ABAT: variants seen among roughly 807,000 people sequenced by gnomAD.
ABAT encodes 4-aminobutyrate aminotransferase.
Under a neutral mutation model 64.6 loss-of-function variants are expected in ABAT, and 45 were observed. The ratio of observed to expected loss-of-function variants is 0.70; its 90% CI spans 0.55 to 0.89. ABAT has a LOEUF of 0.89. ABAT is among the 40% of genes least tolerant of loss of function. The probability of loss-of-function intolerance (pLI) is 0.00; values close to 1 mark genes in which losing one functional copy is unlikely to be tolerated. For missense variants in ABAT, 633 were observed against 658.4 expected, an observed-to-expected ratio of 0.96 and a Z score of 0.42; for synonymous variants, 297 against 250.5, an observed-to-expected ratio of 1.19 and a Z score of -1.75.
intron 1 of ABAT, among the ~76,000 whole-genome samples, chr16:8,733,152 G>C (rs556939263): frequency 6.7e-6 from 1 of 149,824 alleles, no homozygotes; most frequent in Non-Finnish European, 1.5e-5. Context: ...CCTCCCGGAC[G>C]GGGTGGCTGC....
At chr16:8,755,365 T>A (rs1189912849) in intron 5 of ABAT, among the ~76,000 whole-genome samples, 2 of 152,168 alleles carry the variant, frequency 1.3e-5, no homozygotes, top group East Asian at 3.9e-4. Flanking sequence ...TTGTCCACCA[T>A]CACTGGCCAC....
chr16:8,766,390 C>A, intron 9 of ABAT, 120 bp downstream of exon 9: 1 of 951,782 alleles, frequency 1.1e-6, no homozygotes, highest in Non-Finnish European at 1.6e-6. Context: ...CGCGGTGGCT[C>A]ATGCCTGTAA....
At chr16:8,686,009 G>T (rs1277030364) in intron 1 of ABAT, among the ~76,000 whole-genome samples, 1 of 152,162 alleles carries the variant, frequency 6.6e-6, no homozygotes, top group Non-Finnish European at 1.5e-5. Context: ...CCAATCCCAG[G>T]GGCAGATTGC....
intron 1 of ABAT, among the ~76,000 whole-genome samples, chr16:8,733,757 C>CAG (rs1231529061): frequency 6.7e-6 from 1 of 149,136 alleles, no homozygotes; most frequent in African/African-American, 2.6e-5. Flanking sequence ...TTGCAGTGAG[C>CAG]CGAGATGGCA....
chr16:8,707,215 C>T (rs978975288), intron 1 of ABAT, among the ~76,000 whole-genome samples: 3 of 152,000 alleles, frequency 2.0e-5, no homozygotes, highest in African/African-American at 7.3e-5. Context: ...GAGACCAGGT[C>T]TCCCTCTGTC....
intron 1 of ABAT, among the ~76,000 whole-genome samples, chr16:8,699,524 A>G (rs2057773478): frequency 1.3e-5 from 2 of 151,846 alleles, no homozygotes; most frequent in Non-Finnish European, 2.9e-5. Context: ...TGCCATTGCA[A>G]TCCAGCCTGG....
At chr16:8,682,623 G>C (rs574638912) in intron 1 of ABAT, among the ~76,000 whole-genome samples, 1 of 152,172 alleles carries the variant, frequency 6.6e-6, no homozygotes, top group East Asian at 1.9e-4. Context: ...TGCCAACCTT[G>C]TCCTTGTCCA....
intron 1 of ABAT, among the ~76,000 whole-genome samples, chr16:8,685,329 T>G (rs973382470): frequency 2.6e-5 from 4 of 151,516 alleles, no homozygotes; most frequent in Non-Finnish European, 5.9e-5. Flanking sequence ...AATCAGATAA[T>G]CCAAAAATTT....
chr16:8,746,505 T>A (rs577866703), intron 3 of ABAT, among the ~76,000 whole-genome samples: 1 of 151,844 alleles, frequency 6.6e-6, no homozygotes, highest in African/African-American at 2.4e-5. Flanking sequence ...GTGAGCCTCC[T>A]GAGTAGCTGG....
At chr16:8,747,243 G>C (rs556103043) in intron 3 of ABAT, among the ~76,000 whole-genome samples, 25 of 152,292 alleles carry the variant, frequency 1.6e-4, no homozygotes, top group South Asian at 4.1e-4. Flanking sequence ...AGGGCTCAGA[G>C]ATCAAATGCC....
chr16:8,720,016 T>G (rs2058323346), intron 1 of ABAT, among the ~76,000 whole-genome samples: 1 of 152,178 alleles, frequency 6.6e-6, no homozygotes, highest in African/African-American at 2.4e-5. Context: ...CTTCACCATT[T>G]TAGCCAGGCT....
chr16:8,761,063 G>A (rs1185650215), intron 6 of ABAT, among the ~76,000 whole-genome samples: 1 of 142,044 alleles, frequency 7.0e-6, no homozygotes, highest in Non-Finnish European at 1.5e-5. Flanking sequence ...GTGACAGAGC[G>A]AGACCTTGCC....
chr16:8,745,183 C>T (rs942773319), intron 2 of ABAT, among the ~76,000 whole-genome samples: 1 of 152,006 alleles, frequency 6.6e-6, no homozygotes, highest in Non-Finnish European at 1.5e-5. Flanking sequence ...GGTTTCACCA[C>T]GTTGCCCAAG....
intron 1 of ABAT, among the ~76,000 whole-genome samples, chr16:8,711,163 A>C (rs2058062021): frequency 6.6e-6 from 1 of 152,164 alleles, no homozygotes; most frequent in Non-Finnish European, 1.5e-5. Flanking sequence ...TTGCTCTCCA[A>C]GCCATTTGTA....
At chr16:8,740,390 G>A (rs1312048774) in intron 2 of ABAT, among the ~76,000 whole-genome samples, 2 of 152,284 alleles carry the variant, frequency 1.3e-5, no homozygotes, top group East Asian at 3.9e-4. Flanking sequence ...TCATATGATG[G>A]CTCAACTTGG....
At chr16:8,756,357 A>G (rs2059648363) in intron 5 of ABAT, among the ~76,000 whole-genome samples, 1 of 152,224 alleles carries the variant, frequency 6.6e-6, no homozygotes, top group South Asian at 2.1e-4. Flanking sequence ...ACTACAGAGT[A>G]ATTCTTATTA....
At chr16:8,680,801 C>A (rs556952314) in intron 1 of ABAT, among the ~76,000 whole-genome samples, 3 of 152,136 alleles carry the variant, frequency 2.0e-5, no homozygotes, top group Non-Finnish European at 2.9e-5. Flanking sequence ...TTTTGATTTG[C>A]ATTTCCCTAA....
At chr16:8,675,198 A>G (rs763360994) in intron 1 of ABAT, among the ~76,000 whole-genome samples, 1 of 151,766 alleles carries the variant, frequency 6.6e-6, no homozygotes, top group Non-Finnish European at 1.5e-5. Flanking sequence ...GAAATCCCGG[A>G]GCAGAGACTC....
intron 5 of ABAT, 61 bp downstream of exon 5, chr16:8,750,600 CTA>C (rs1178714441): frequency 2.0e-6 from 3 of 1,492,256 alleles, no homozygotes; most frequent in Non-Finnish European, 2.8e-6. Context: ...CTAGTCGTGG[CTA>C]TCCAGGTATT....
Sources: allele counts gnomAD v4.1 joint callset (sites outside exome capture counted in the v4.1 genomes callset), GRCh38; gene constraint gnomAD v4.1.1; transcripts MANE v1.5; gene names NCBI Gene and HGNC (gene_info 2026-07-23, HGNC 2026-07-21).